SNX24: variants seen among roughly 807,000 people sequenced by gnomAD.
SNX24 encodes the protein sorting nexin-24.
SNX24 carries 22 observed loss-of-function variants against 28.7 expected under a neutral mutation model. That is an observed-to-expected ratio of 0.77 (90% CI 0.55 to 1.10). SNX24 has a LOEUF of 1.10. Ranked by LOEUF, SNX24 falls within the 50% of genes least tolerant of loss-of-function variation. The pLI is 0.00. For missense variants in SNX24, 221 were observed against 201.1 expected (o/e 1.10, Z -0.60); for synonymous variants, 69 against 71.5 (o/e 0.96, Z 0.18).
intron 3 of SNX24, chr5:122,998,347 AGTT>A (rs1242550521): frequency 1.3e-5 from 2 of 152,148 alleles, no homozygotes; most frequent in East Asian, 1.9e-4. Context: ...GGCAAGTTTA[AGTT>A]GTTGTTTAGT....
At chr5:122,988,067 C>A (rs1442866672) in intron 3 of SNX24, among the ~76,000 whole-genome samples, 1 of 152,198 alleles carries the variant, frequency 6.6e-6, no homozygotes, top group African/African-American at 2.4e-5. Flanking sequence ...CCCTGCCCCC[C>A]TTTCCAGGAC....
rs1388538205 is a variant in SNX24, at chr5:122,911,964, G to T, written c.61-24770G>T. Among the ~76,000 whole-genome samples the T allele has an allele frequency of 2.1e-5, 3 of 142,792 alleles. No individual in the cohort carries two copies. The Admixed American group carries it at 2.1e-4, about 10-fold the overall frequency. The allele number at this position is 142,792 out of a possible 152,430, so 93.7% of individuals were successfully genotyped here. A position where few individuals can be genotyped will look rare whatever the true frequency, so the allele number is the denominator to read the frequency against. On this transcript the variant is annotated intron_variant, in intron 1 of 6. Transcript: ENST00000261369. Reference sequence around the variant, plus strand: ...ACTTGGCGATGCGGGCTCTTTTTTGGTTCCATATGAACTTTAAAGTAGTTT... The same window carrying T: ...ACTTGGCGATGCGGGCTCTTTTTTGTTTCCATATGAACTTTAAAGTAGTTT...
At chr5:122,903,178 C>G (rs1051083387) in intron 1 of SNX24, among the ~76,000 whole-genome samples, 1 of 152,114 alleles carries the variant, frequency 6.6e-6, no homozygotes, top group African/African-American at 2.4e-5. Flanking sequence ...ACGATCGTGG[C>G]TCACTGCAGC....
At position 122,926,120 on chromosome 5, in the gene SNX24, A is replaced by G. The variant is rs540407321; in HGVS notation, c.61-10614A>G. Reference sequence around the variant, plus strand: ...TTATGGGAGCTAGTTGCTGTTTTAGATGGGGTGGGTAGATAACACCTCTCT... The same window carrying G: ...TTATGGGAGCTAGTTGCTGTTTTAGGTGGGGTGGGTAGATAACACCTCTCT... On this transcript the variant is annotated intron_variant, in intron 1 of 6. Coordinates refer to ENST00000261369, the MANE Select transcript of SNX24 (RefSeq NM_014035.4). Among the ~76,000 whole-genome samples the G allele has an allele frequency of 1.5e-3, 227 of 152,268 alleles. 2 individuals are homozygous for G. Among genetic ancestry groups the G allele is most frequent in the Non-Finnish European group, 5.0e-4 (34 of 68,020 alleles).
intron 3 of SNX24, chr5:122,948,655 A>G (rs1383473705): frequency 6.6e-6 from 1 of 152,192 alleles, no homozygotes; most frequent in Non-Finnish European, 1.5e-5. Context: ...GGGTGAGTAC[A>G]ACCCCACACA....
intron 1 of SNX24, chr5:122,891,007 TTTTC>T: frequency 6.9e-7 from 1 of 1,449,966 alleles, no homozygotes. Flanking sequence ...CCAAAGCCTC[TTTTC>T]TGTCTTACCT....
chr5:122,911,903 T>G (rs1466131424), intron 1 of SNX24, among the ~76,000 whole-genome samples: 565 of 123,078 alleles, frequency 4.6e-3, no homozygotes, highest in South Asian at 0.011. Flanking sequence ...TCAGGTAGCG[T>G]GATGCTTCCA....
At chr5:122,871,262 T>G (rs546689696) in intron 1 of SNX24, among the ~76,000 whole-genome samples, 4 of 152,330 alleles carry the variant, frequency 2.6e-5, no homozygotes, top group African/African-American at 7.2e-5. Flanking sequence ...GCTCTGGTAC[T>G]GTTTAAAAAC....
intron 1 of SNX24, among the ~76,000 whole-genome samples, chr5:122,931,720 T>G (rs1267210715): frequency 5.9e-5 from 9 of 152,198 alleles, no homozygotes. Context: ...CTAAACTACT[T>G]GGAACCTTGG....
chr5:122,901,218 C>A (rs957595016), intron 1 of SNX24, among the ~76,000 whole-genome samples: 35 of 148,000 alleles, frequency 2.4e-4, no homozygotes, highest in Non-Finnish European at 3.7e-4. Flanking sequence ...AAAAAAAAAG[C>A]AAAATATTGC....
At chr5:122,984,245 G>A (rs1761503999) in intron 3 of SNX24, among the ~76,000 whole-genome samples, 1 of 151,808 alleles carries the variant, frequency 6.6e-6, no homozygotes. Context: ...GTAATTAAAA[G>A]TATGTAGGCA....
chr5:123,021,940 C>T (rs932535519), intron 5 of SNX24, among the ~76,000 whole-genome samples: 2 of 152,152 alleles, frequency 1.3e-5, no homozygotes, highest in African/African-American at 4.8e-5. Flanking sequence ...GGCCTTAGCA[C>T]AAATGCCATC....
At chr5:123,003,204 C>T (rs925257241) in intron 6 of SNX24, among the ~76,000 whole-genome samples, 3 of 152,262 alleles carry the variant, frequency 2.0e-5, no homozygotes, top group Admixed American at 6.5e-5. Context: ...GTGGCCAGGA[C>T]GCAGCCCTGC....
chr5:122,920,611 ACT>A lies in SNX24; in HGVS notation c.61-16120_61-16119del, dbSNP rs1416709884. The stretch of plus-strand genomic sequence containing the variant: ...TGTTATACGCAAGTAGAATGCTAAG[ACT>A]CTAGAAAACAATCTGGTCAACCCCA... On this transcript the variant is annotated intron_variant, in intron 1 of 6. Transcript: ENST00000261369. Among the ~76,000 whole-genome samples the A allele has an allele frequency of 2.6e-5, 4 of 152,270 alleles. No homozygotes were observed. The South Asian group carries it at 8.3e-4, about 32-fold the overall frequency.
chr5:122,861,630 C>G (rs1156694962), intron 1 of SNX24, among the ~76,000 whole-genome samples: 1 of 152,080 alleles, frequency 6.6e-6, no homozygotes, highest in Admixed American at 6.6e-5. Flanking sequence ...TCTCAGATCC[C>G]ATGTAATTTG....
intron 6 of SNX24, among the ~76,000 whole-genome samples, chr5:123,007,199 C>G (rs1429046979): frequency 2.0e-5 from 3 of 152,206 alleles, no homozygotes; most frequent in African/African-American, 7.2e-5. Flanking sequence ...CCCCATCTTA[C>G]TGCTCTCTTT....
chr5:122,868,793 A>G (rs552161876), intron 1 of SNX24, among the ~76,000 whole-genome samples: 1 of 152,166 alleles, frequency 6.6e-6, no homozygotes, highest in East Asian at 1.9e-4. Flanking sequence ...AGCCTATAGG[A>G]TTAAATCTGC....
At position 122,938,999 on chromosome 5, in the gene SNX24, G is replaced by A. The variant is rs1759320877; in HGVS notation, c.144+2182G>A. ...GCAATGAAATACAAATAACAATGGG[G>A]TATAAAAATAAACATAAATCTGTAA... On this transcript the variant is annotated intron_variant, in intron 2 of 6. Coordinates refer to ENST00000261369, the MANE Select transcript of SNX24 (RefSeq NM_014035.4). Among the ~76,000 whole-genome samples, 2 of 150,734 alleles carry A rather than the reference G, an allele frequency of 1.3e-5. 1 individual carries two copies. Among genetic ancestry groups the A allele is most frequent in the Non-Finnish European group, 3.0e-5 (2 of 67,396 alleles).
intron 1 of SNX24, among the ~76,000 whole-genome samples, chr5:122,927,887 T>G (rs981775699): frequency 2.0e-5 from 3 of 152,108 alleles, no homozygotes; most frequent in Non-Finnish European, 4.4e-5. Context: ...AGTGCTGAGC[T>G]CTTAACTTGC....
Sources: allele counts gnomAD v4.1 joint callset (sites outside exome capture counted in the v4.1 genomes callset), GRCh38; gene constraint gnomAD v4.1.1; transcripts MANE v1.5; gene names NCBI Gene and HGNC (gene_info 2026-07-23, HGNC 2026-07-21).